Variants in FARP1 observed in about 807,000 individuals in gnomAD.
FARP1 encodes the protein FERM, ARHGEF and pleckstrin domain-containing protein 1.
In FARP1, 52 loss-of-function variants were observed where a neutral mutation model predicts 128.8. The ratio of observed to expected loss-of-function variants is 0.40; its 90% CI spans 0.32 to 0.51. The LOEUF (loss-of-function observed/expected upper bound fraction) is 0.51. FARP1 is among the 20% of genes least tolerant of loss of function. The pLI is 0.45. For missense variants in FARP1, 1,333 were observed against 1,367.9 expected, an observed-to-expected ratio of 0.97 and a Z score of 0.40; for synonymous variants, 580 against 551.8, an observed-to-expected ratio of 1.05 and a Z score of -0.72.
At chr13:98,264,816 T>C (rs1347134030) in intron 2 of FARP1, among the ~76,000 whole-genome samples, 1 of 152,226 alleles carries the variant, frequency 6.6e-6, no homozygotes, top group Non-Finnish European at 1.5e-5. Flanking sequence ...TAAGAATTAC[T>C]AATATCGAAT....
chr13:98,388,052 C>A (rs756516328), intron 8 of FARP1, among the ~76,000 whole-genome samples: 5 of 152,134 alleles, frequency 3.3e-5, no homozygotes, highest in Non-Finnish European at 5.9e-5. Flanking sequence ...TGGTACCTGG[C>A]GCTTCCTAAG....
intron 17 of FARP1, among the ~76,000 whole-genome samples, chr13:98,425,154 T>A (rs1891734276): frequency 6.6e-6 from 1 of 151,948 alleles, no homozygotes; most frequent in Non-Finnish European, 1.5e-5. Context: ...TCAAAAGTTT[T>A]GCATTATACC....
intron 1 of FARP1, among the ~76,000 whole-genome samples, chr13:98,175,524 A>AG (rs1242901895): frequency 3.6e-4 from 2 of 5,554 alleles, no homozygotes; most frequent in African/African-American, 4.3e-4. Context: ...AGCTTTTTTG[A>AG]AAAAAAAAAT....
Position 98,176,539 on chromosome 13 carries a change from C to T in FARP1, c.-24+33047C>T. 5 of 1,614,200 alleles carry T rather than the reference C, an allele frequency of 3.1e-6. No individual in the cohort carries two copies. Among genetic ancestry groups the T allele is most frequent in the Non-Finnish European group, 4.2e-6 (5 of 1,180,036 alleles). On this transcript the variant is annotated intron_variant, in intron 1 of 26. Coordinates refer to ENST00000319562, the MANE Select transcript of FARP1 (RefSeq NM_005766.4). The surrounding 1 kb of genome is among the most constrained non-coding windows in gnomAD (Gnocchi z 6.2). ...TTCGTCCTCGCAGATACAGTAGCGA[C>T]CCTCTTCAAGCTCCCGTTCAATCTC...
chr13:98,307,241 A>C (rs1461460585), intron 2 of FARP1, among the ~76,000 whole-genome samples: 1 of 152,212 alleles, frequency 6.6e-6, no homozygotes, highest in East Asian at 1.9e-4. Context: ...CTCAGAAGGC[A>C]GTTTGGGTTG....
At chr13:98,235,648 T>C (rs1183697999) in intron 2 of FARP1, among the ~76,000 whole-genome samples, 1 of 152,184 alleles carries the variant, frequency 6.6e-6, no homozygotes, top group Non-Finnish European at 1.5e-5. Flanking sequence ...TTAATAAGTA[T>C]ATTCACGTTG....
At chr13:98,429,815 A>G (rs1566313094) in intron 17 of FARP1, among the ~76,000 whole-genome samples, 1 of 152,176 alleles carries the variant, frequency 6.6e-6, no homozygotes, top group Non-Finnish European at 1.5e-5. Context: ...GACTTGGGCT[A>G]CTCGCCTGTG....
intron 2 of FARP1, among the ~76,000 whole-genome samples, chr13:98,230,647 TA>T (rs1300957518): frequency 6.6e-6 from 1 of 151,962 alleles, no homozygotes; most frequent in Non-Finnish European, 1.5e-5. Flanking sequence ...TTTTTTTTAA[TA>T]AAACCAGAAT....
chr13:98,365,037 A>G (rs1275203026), intron 3 of FARP1, among the ~76,000 whole-genome samples: 1 of 152,224 alleles, frequency 6.6e-6, no homozygotes, highest in African/African-American at 2.4e-5. Context: ...CTGTTTCAAT[A>G]AGGAATGTAC....
At chr13:98,408,429 C>T (rs986010138) in intron 13 of FARP1, among the ~76,000 whole-genome samples, 2 of 146,826 alleles carry the variant, frequency 1.4e-5, no homozygotes, top group Non-Finnish European at 3.0e-5. Flanking sequence ...CTGGTTCAAG[C>T]AATTCCCCTG....
chr13:98,247,473 T>C (rs1883127825), intron 2 of FARP1, among the ~76,000 whole-genome samples: 1 of 152,190 alleles, frequency 6.6e-6, no homozygotes, highest in Non-Finnish European at 1.5e-5. Flanking sequence ...TATGACTGGC[T>C]GGGCTATCCA....
chr13:98,382,734 T>G (rs1889932187), intron 6 of FARP1, among the ~76,000 whole-genome samples: 1 of 148,964 alleles, frequency 6.7e-6, no homozygotes, highest in East Asian at 1.9e-4. Context: ...CTGCCTTCTG[T>G]TTTTTTTTTC....
At chr13:98,347,106 G>A (rs1426447421) in intron 3 of FARP1, among the ~76,000 whole-genome samples, 3 of 152,186 alleles carry the variant, frequency 2.0e-5, no homozygotes, top group African/African-American at 7.2e-5. Context: ...TGTGAGAATC[G>A]TAAGCACCAG....
At position 98,455,037 on chromosome 13, in the gene FARP1, T is replaced by G. The variant is rs540720640; in HGVS notation, c.*6720T>G. On this transcript the variant is annotated 3_prime_UTR_variant, in exon 27 of 27. Coordinates refer to ENST00000319562, the MANE Select transcript of FARP1 (RefSeq NM_005766.4). The stretch of plus-strand genomic sequence containing the variant: ...CGATGCCCAGTGAGCACGTAAAATG[T>G]GCTGCGTCTGAATGGAGATGTGCTA... 1 of 152,240 alleles carries G rather than the reference T, an allele frequency of 6.6e-6. No individual in the cohort carries two copies. Among genetic ancestry groups the G allele is most frequent in the Non-Finnish European group, 1.5e-5 (1 of 68,058 alleles). 9.4% of individuals were successfully genotyped at this position (152,240 alleles called of 1,614,324 possible). A position where few individuals can be genotyped will look rare whatever the true frequency, so the allele number is the denominator to read the frequency against.
chr13:98,308,931 G>A (rs1886314044), intron 2 of FARP1, among the ~76,000 whole-genome samples: 1 of 151,968 alleles, frequency 6.6e-6, no homozygotes, highest in Non-Finnish European at 1.5e-5. Flanking sequence ...GCCCACCTCA[G>A]CCCCCCACCA....
At chr13:98,236,570 CAG>C (rs1566778304) in intron 2 of FARP1, among the ~76,000 whole-genome samples, 1 of 151,744 alleles carries the variant, frequency 6.6e-6, no homozygotes, top group African/African-American at 2.4e-5. Flanking sequence ...TTGAAAAAAA[CAG>C]ATGAACCTCA....
intron 17 of FARP1, among the ~76,000 whole-genome samples, chr13:98,430,447 A>G (rs1473959352): frequency 1.3e-5 from 2 of 152,054 alleles, no homozygotes; most frequent in Non-Finnish European, 2.9e-5. Flanking sequence ...AGGTGAATTC[A>G]TTCCTCCTTT....
Position 98,176,533 on chromosome 13 carries a change from T to C in FARP1, c.-24+33041T>C, listed in dbSNP as rs771241422. On this transcript the variant is annotated intron_variant, in intron 1 of 26. Coordinates refer to ENST00000319562, the MANE Select transcript of FARP1 (RefSeq NM_005766.4). The surrounding 1 kb of genome is among the most constrained non-coding windows in gnomAD (Gnocchi z 6.2). ...ATGGTTTTCGTCCTCGCAGATACAG[T>C]AGCGACCCTCTTCAAGCTCCCGTTC... The C allele has an allele frequency of 1.9e-5, 30 of 1,614,076 alleles. 1 individual carries two copies. In the Middle Eastern group the frequency reaches 1.2e-3, roughly 62 times the overall value.
chr13:98,205,186 A>C (rs1594267087), intron 1 of FARP1, among the ~76,000 whole-genome samples: 1 of 152,188 alleles, frequency 6.6e-6, no homozygotes, highest in East Asian at 1.9e-4. Context: ...GAGTTGTCAA[A>C]TTATCTTTGT....
Sources: allele counts gnomAD v4.1 joint callset (sites outside exome capture counted in the v4.1 genomes callset), GRCh38; gene constraint gnomAD v4.1.1; non-coding constraint Gnocchi (gnomAD v3.1); transcripts MANE v1.5; gene names NCBI Gene and HGNC (gene_info 2026-07-23, HGNC 2026-07-21).